The following FRAS1 variants were observed in gnomAD, a reference collection of about 807,000 sequenced individuals.
The protein encoded by FRAS1 is extracellular matrix organizing protein FRAS1.
Under a neutral mutation model 435.2 loss-of-function variants are expected in FRAS1, and 290 were observed. The ratio of observed to expected loss-of-function variants is 0.67; its 90% CI spans 0.61 to 0.73. The LOEUF (loss-of-function observed/expected upper bound fraction) is 0.73, where lower values mean the gene tolerates loss of function less well. Among genes scored for constraint, FRAS1 ranks in the 30% least tolerant of loss-of-function variants. FRAS1 has a pLI of 0.00. For synonymous variants in FRAS1, 1,800 were observed against 1,851.0 expected, an observed-to-expected ratio of 0.97 and a Z score of 0.71; for missense variants, 4,860 against 5,001.5, an observed-to-expected ratio of 0.97 and a Z score of 0.85.
At chr4:78,365,080 T>G (rs1290265712) in intron 22 of FRAS1, among the ~76,000 whole-genome samples, 2 of 152,210 alleles carry the variant, frequency 1.3e-5, no homozygotes, top group African/African-American at 4.8e-5. Context: ...CAGTATTGAT[T>G]AACGATTATT....
At chr4:78,299,310 T>C (rs1360695429) in intron 14 of FRAS1, among the ~76,000 whole-genome samples, 1 of 152,118 alleles carries the variant, frequency 6.6e-6, no homozygotes, top group Admixed American at 6.5e-5. Flanking sequence ...TCCTGATTGG[T>C]AACACCGAGG....
At chr4:78,265,250 C>A (rs1250024141) in intron 7 of FRAS1, 142 bp downstream of exon 7, 2 of 542,982 alleles carry the variant, frequency 3.7e-6, no homozygotes, top group East Asian at 5.7e-5. Flanking sequence ...CAGCTTTTCT[C>A]TTCTCTTCAC....
chr4:78,240,544 A>G (rs1204624071), intron 3 of FRAS1, among the ~76,000 whole-genome samples: 3 of 152,208 alleles, frequency 2.0e-5, no homozygotes, highest in Non-Finnish European at 1.5e-5. Flanking sequence ...CCCATCTGGG[A>G]AAAATGGCAA....
intron 26 of FRAS1, among the ~76,000 whole-genome samples, chr4:78,377,309 T>G (rs1263451361): frequency 6.6e-6 from 1 of 152,220 alleles, no homozygotes; most frequent in Non-Finnish European, 1.5e-5. Context: ...GGCTTATTTT[T>G]GGGGAATCTT....
chr4:78,156,425 A>T (rs1720886602), intron 2 of FRAS1, among the ~76,000 whole-genome samples: 1 of 151,412 alleles, frequency 6.6e-6, no homozygotes, highest in South Asian at 2.1e-4. Flanking sequence ...GATCTTTGGC[A>T]GGGCTAGTAT....
At chr4:78,078,272 C>A (rs1740746436) in intron 2 of FRAS1, among the ~76,000 whole-genome samples, 1 of 152,106 alleles carries the variant, frequency 6.6e-6, no homozygotes, top group Admixed American at 6.6e-5. Context: ...CAATTATTTC[C>A]TTTGGGCACA....
At chr4:78,092,062 C>T (rs1741556352) in intron 2 of FRAS1, among the ~76,000 whole-genome samples, 1 of 150,786 alleles carries the variant, frequency 6.6e-6, no homozygotes, top group East Asian at 1.9e-4. Context: ...GGAGGTAAGA[C>T]CTTCCCTGGC....
At chr4:78,114,381 G>C (rs866506457) in intron 2 of FRAS1, among the ~76,000 whole-genome samples, 7 of 152,106 alleles carry the variant, frequency 4.6e-5, no homozygotes, top group Admixed American at 2.0e-4. Flanking sequence ...TCATTGGTAG[G>C]TTGATGGGGA....
At position 78,479,409 on chromosome 4, in the gene FRAS1, A is replaced by G. The variant is rs1175155271; in HGVS notation, c.8134A>G (p.Thr2712Ala). Residue 2712 changes from threonine (T) to alanine (A), a missense_variant, in exon 56 of 74, where the codon ACA becomes GCA. Coordinates refer to ENST00000512123, the MANE Select transcript of FRAS1 (RefSeq NM_025074.7). ...CAGCATTGTATCTGCAATTTGCTACACAGTCCCTAAGTCAGCTATGGGAAG... is the reference window on the plus strand; with the variant it reads ...CAGCATTGTATCTGCAATTTGCTACGCAGTCCCTAAGTCAGCTATGGGAAG... ...ASSIVSAICY[T>A]VPKSAMGSSL... is the part of the protein sequence containing the mutation. The G allele has an allele frequency of 6.5e-7, 1 of 1,529,766 alleles. No individual in the cohort carries two copies. The highest frequency in any genetic ancestry group is 8.8e-7 in the Non-Finnish European group (1 of 1,135,072). 94.8% of individuals were successfully genotyped at this position (1,529,766 alleles called of 1,614,324 possible).
chr4:78,501,510 T>C (rs1720680720), intron 61 of FRAS1, among the ~76,000 whole-genome samples: 1 of 152,198 alleles, frequency 6.6e-6, no homozygotes, highest in Non-Finnish European at 1.5e-5. Flanking sequence ...TCAAATGGTA[T>C]TTCTGGTTCT....
chr4:78,102,264 A>T (rs954685079), intron 2 of FRAS1, among the ~76,000 whole-genome samples: 22 of 152,242 alleles, frequency 1.4e-4, no homozygotes, highest in African/African-American at 5.3e-4. Flanking sequence ...CAGAAGAAAG[A>T]GCGAACAGAA....
At chr4:78,148,293 C>T (rs978966456) in intron 2 of FRAS1, among the ~76,000 whole-genome samples, 2 of 152,094 alleles carry the variant, frequency 1.3e-5, no homozygotes, top group Non-Finnish European at 2.9e-5. Flanking sequence ...AAATTAAGCT[C>T]AAGAAAGGCT....
At chr4:78,492,473 G>C (rs1034335960) in intron 59 of FRAS1, among the ~76,000 whole-genome samples, 13 of 151,984 alleles carry the variant, frequency 8.6e-5, no homozygotes, top group Non-Finnish European at 4.4e-5. Flanking sequence ...CAGAACAGAG[G>C]CCTCAGAAAT....
intron 2 of FRAS1, among the ~76,000 whole-genome samples, chr4:78,161,155 A>G (rs1372646685): frequency 6.6e-6 from 1 of 151,838 alleles, no homozygotes; most frequent in Non-Finnish European, 1.5e-5. Flanking sequence ...AAAAAAATCT[A>G]TAAAAAGAAG....
intron 34 of FRAS1, among the ~76,000 whole-genome samples, chr4:78,423,280 CCCCAGCCT>C (rs1255668196): frequency 6.6e-6 from 1 of 152,078 alleles, no homozygotes; most frequent in Non-Finnish European, 1.5e-5. Context: ...AATTCTCCTG[CCCCAGCCT>C]CCCGAGTAGC....
At chr4:78,441,012 ATT>A (rs1250558298) in intron 40 of FRAS1, 148 bp from the exon 41 acceptor site, 14 of 669,818 alleles carry the variant, frequency 2.1e-5, no homozygotes, top group Non-Finnish European at 3.6e-5. Context: ...CAGCATACAC[ATT>A]CCTCATCTCG....
chr4:78,109,215 T>A (rs1278599650), intron 2 of FRAS1, among the ~76,000 whole-genome samples: 1 of 77,964 alleles, frequency 1.3e-5, no homozygotes. Context: ...TTCCAATCAA[T>A]AGAAAAAGAG....
chr4:78,489,968 C>CAAAAAAAAAAAAAAAAAAAAAAAAAAA (rs61568957), intron 59 of FRAS1, among the ~76,000 whole-genome samples: 3 of 92,604 alleles, frequency 3.2e-5, no homozygotes, highest in Non-Finnish European at 4.1e-5. Context: ...TAGTGGAAAA[C>CAAAAAAAAAAAAAAAAAAAAAAAAAAA]AAAAAAAAAA....
intron 20 of FRAS1, among the ~76,000 whole-genome samples, chr4:78,338,535 C>A (rs1399666518): frequency 6.6e-6 from 1 of 152,114 alleles, no homozygotes; most frequent in Non-Finnish European, 1.5e-5. Context: ...ATTTCTTGAT[C>A]CACTTTTTCA....
Sources: gnomAD v4.1 joint callset for allele counts (sites outside exome capture counted in the v4.1 genomes callset) on GRCh38, gnomAD v4.1.1 for gene constraint, MANE v1.5 for transcripts, NCBI Gene and HGNC (gene_info 2026-07-23, HGNC 2026-07-21) for gene names.